The following ZBTB1 variants were observed in gnomAD, a reference collection of about 807,000 sequenced individuals.
The protein encoded by ZBTB1 is zinc finger and BTB domain-containing protein 1.
In ZBTB1, 13 loss-of-function variants were observed where a neutral mutation model predicts 51.6. The observed-to-expected ratio is 0.25, with a 90% CI of 0.16 to 0.40. The LOEUF (loss-of-function observed/expected upper bound fraction) is 0.40. Among genes scored for constraint, ZBTB1 ranks in the 10% least tolerant of loss-of-function variants. ZBTB1 has a pLI of 1.00. For missense variants in ZBTB1, 567 were observed against 856.5 expected, an observed-to-expected ratio of 0.66 and a Z score of 4.22; for synonymous variants, 240 against 282.2, an observed-to-expected ratio of 0.85 and a Z score of 1.50.
chr14:64,529,325 A>G (rs1460119787), downstream of ZBTB1, among the ~76,000 whole-genome samples: 1 of 151,962 alleles, frequency 6.6e-6, no homozygotes, highest in Non-Finnish European at 1.5e-5. Context: ...TTATGTTTTA[A>G]TCTCTCCCGC....
chr14:64,521,382 C>A, intron 1 of ZBTB1, 105 bp from the exon 2 acceptor site: 3 of 730,712 alleles, frequency 4.1e-6, no homozygotes, highest in African/African-American at 3.1e-5. Flanking sequence ...CTCTTAATTT[C>A]TTGATTGTAA....
upstream of ZBTB1, chr14:64,503,782 G>T: frequency 4.9e-6 from 1 of 205,594 alleles, no homozygotes; most frequent in Non-Finnish European, 8.6e-6. Context: ...GCGGCTTCCC[G>T]CGCCGGCAGC....
chr14:64,504,611 G>T, upstream of ZBTB1: 1 of 289,100 alleles, frequency 3.5e-6, no homozygotes. Flanking sequence ...GACCGCGGGT[G>T]CCCCTAGCAG....
intron 1 of ZBTB1, among the ~76,000 whole-genome samples, chr14:64,508,060 TCTC>T (rs2079685891): frequency 6.6e-6 from 1 of 152,108 alleles, no homozygotes; most frequent in African/African-American, 2.4e-5. Context: ...AGCGGCAGGG[TCTC>T]ACTCCTTAGC....
At position 64,517,756 on chromosome 14, in the gene ZBTB1, A is replaced by AATATATATATATATATAT. The variant is rs71444661; in HGVS notation, c.-18-3722_-18-3705dup. On this transcript the variant is annotated intron_variant, in intron 1 of 1. Coordinates refer to ENST00000683701, the MANE Select transcript of ZBTB1 (RefSeq NM_001123329.2). ...CCCACTTCTGTAGTTGCCATTTAGA[A>AATATATATATATATATAT]ATATATATATATATATATATATATA... 2.8e-4 allele frequency among the ~76,000 whole-genome samples: 17 copies of AATATATATATATATATAT among 60,724 alleles called. 1 individual carries two copies. The highest frequency in any genetic ancestry group is 2.3e-3 in the East Asian group (5 of 2,134). 39.8% of individuals were successfully genotyped at this position (60,724 alleles called of 152,430 possible).
In ZBTB1 at chr14:64,524,502, A is replaced by G. The variant is rs891808812; in HGVS notation, c.*856A>G. 2.1e-6 allele frequency: 2 copies of G among 950,094 alleles called. No individual in the cohort carries two copies. The highest frequency in any genetic ancestry group is 2.5e-6 in the Non-Finnish European group (2 of 797,912). 58.9% of individuals were successfully genotyped at this position (950,094 alleles called of 1,614,324 possible). Reference sequence around the variant, plus strand: ...GTTAGCTTATCAATTATTTTTGTTTATAAATAGACTTTAATAGCTCTCTAA... The same window carrying G: ...GTTAGCTTATCAATTATTTTTGTTTGTAAATAGACTTTAATAGCTCTCTAA... On this transcript the variant is annotated 3_prime_UTR_variant, in exon 2 of 2. Coordinates refer to ENST00000683701, the MANE Select transcript of ZBTB1 (RefSeq NM_001123329.2).
At chr14:64,506,954 T>G (rs2079668012) in intron 1 of ZBTB1, among the ~76,000 whole-genome samples, 1 of 152,232 alleles carries the variant, frequency 6.6e-6, no homozygotes, top group Non-Finnish European at 1.5e-5. Context: ...TTCTCCTCTT[T>G]TGCCAGGCTC....
intron 1 of ZBTB1, among the ~76,000 whole-genome samples, chr14:64,517,894 C>CA (rs1373972703): frequency 2.7e-5 from 4 of 149,100 alleles, no homozygotes; most frequent in Non-Finnish European, 1.5e-5. Context: ...AGTACAGTGG[C>CA]ATGATCTCGG....
chr14:64,516,666 G>C lies in ZBTB1; in HGVS notation c.-18-4821G>C, dbSNP rs2079789723. The C allele has an allele frequency of 2.0e-5, 3 of 152,192 alleles. No individual in the cohort carries two copies. The South Asian group carries it at 6.2e-4, about 31-fold the overall frequency. The allele number at this position is 152,192 out of a possible 1,614,324, so 9.4% of individuals were successfully genotyped here. A position where few individuals can be genotyped will look rare whatever the true frequency, so the allele number is the denominator to read the frequency against. On this transcript the variant is annotated intron_variant, in intron 1 of 1. Transcript: ENST00000683701. ...GTGTTGAATGAAATCACTGATCTAG[G>C]AAAAGTAAAAATTCCTCAAATGAAT... is the stretch of plus-strand genomic sequence containing the variant.
At chr14:64,525,086 T>A, downstream of ZBTB1, 1 of 320,622 alleles carries the variant, frequency 3.1e-6, no homozygotes, top group Non-Finnish European at 4.5e-6. Context: ...TCACATCATA[T>A]TTAAAATATG....
exon 3 of ZBTB1, chr14:64,533,201 G>A (rs2079955919): frequency 2.0e-5 from 3 of 152,026 alleles, no homozygotes; most frequent in South Asian, 4.1e-4. Context: ...ATGTGATAGT[G>A]GGTAGAAAGG....
Position 64,523,156 on chromosome 14 carries a change from A to G in ZBTB1, c.1652A>G (p.Glu551Gly). 1.2e-6 allele frequency: 2 copies of G among 1,614,218 alleles called. No homozygotes were observed. The highest frequency in any genetic ancestry group is 1.7e-6 in the Non-Finnish European group (2 of 1,180,022). ...TTTGAAACTGAAAATCTAGTGGTTGAACATATGTCTAGCTGCTTAGATCAA... is the reference window on the plus strand; with the variant it reads ...TTTGAAACTGAAAATCTAGTGGTTGGACATATGTCTAGCTGCTTAGATCAA... The part of the protein sequence containing the change: ...QRFETENLVV[E>G]HMSSCLDQDM... The change falls in exon 2 of 2, where the codon GAA becomes GGA. Residue 551 changes from glutamate (E) to glycine (G), a missense_variant. Glu to Gly is a moderately conservative substitution (Grantham distance 98, BLOSUM62 -2). Transcript: ENST00000683701. This position sits in a 1 kb window ranked among gnomAD's most constrained non-coding sequence, Gnocchi z 4.5.
In ZBTB1 at chr14:64,523,665, A is replaced by G; in HGVS notation, c.*19A>G. On this transcript the variant is annotated 3_prime_UTR_variant, in exon 2 of 2. Transcript: ENST00000683701. The surrounding 1 kb of genome is among the most constrained non-coding windows in gnomAD (Gnocchi z 4.5). ...AACCTGAGTGATTTTCTACTGTACTAATGTTTAGATGATAGCAGATAAAAC... is the reference window on the plus strand; with the variant it reads ...AACCTGAGTGATTTTCTACTGTACTGATGTTTAGATGATAGCAGATAAAAC... 6.5e-7 allele frequency: 1 copy of G among 1,532,020 alleles called. No individual in the cohort carries two copies. The highest frequency in any genetic ancestry group is 8.8e-7 in the Non-Finnish European group (1 of 1,137,006). The allele number at this position is 1,532,020 out of a possible 1,614,324, so 94.9% of individuals were successfully genotyped here. A position where few individuals can be genotyped will look rare whatever the true frequency, so the allele number is the denominator to read the frequency against.
downstream of ZBTB1, among the ~76,000 whole-genome samples, chr14:64,529,669 G>T (rs2079928786): frequency 6.6e-6 from 1 of 152,108 alleles, no homozygotes; most frequent in Admixed American, 6.5e-5. Context: ...TACTTGGGAG[G>T]CTGTGGTCAG....
Position 64,524,230 on chromosome 14 carries a change from T to C in ZBTB1, c.*584T>C. The C allele has an allele frequency of 1.0e-6, 1 of 984,982 alleles. No individual in the cohort carries two copies. The highest frequency in any genetic ancestry group is 1.2e-6 in the Non-Finnish European group (1 of 829,594). 61.0% of individuals were successfully genotyped at this position (984,982 alleles called of 1,614,324 possible). A position where few individuals can be genotyped will look rare whatever the true frequency, so the allele number is the denominator to read the frequency against. ...TGGGCTCAAACTTGGCCTAAAAAGA[T>C]TGATGAACCTGAGGAAATTTTTATA... is the stretch of plus-strand genomic sequence containing the variant. On this transcript the variant is annotated 3_prime_UTR_variant, in exon 2 of 2. Transcript: ENST00000683701.
intron 1 of ZBTB1, among the ~76,000 whole-genome samples, chr14:64,519,777 CAAA>C (rs532158633): frequency 2.5e-5 from 3 of 119,478 alleles, no homozygotes. Flanking sequence ...GACCCTGCCT[CAAA>C]AAAAAAAAAA....
At chr14:64,530,424 C>T (rs966618785) in intron 2 of ZBTB1, among the ~76,000 whole-genome samples, 1 of 152,050 alleles carries the variant, frequency 6.6e-6, no homozygotes, top group Non-Finnish European at 1.5e-5. Flanking sequence ...GCCTGGCTAA[C>T]ATGATGAAAC....
At chr14:64,516,382 C>G (rs908859315) in intron 1 of ZBTB1, among the ~76,000 whole-genome samples, 11 of 152,224 alleles carry the variant, frequency 7.2e-5, no homozygotes, top group Admixed American at 2.0e-4. Flanking sequence ...CAGTTTTACT[C>G]AGAACTTGGA....
exon 3 of ZBTB1, chr14:64,532,432 T>G (rs1446024790): frequency 1.3e-5 from 2 of 152,264 alleles, no homozygotes; most frequent in East Asian, 1.9e-4. Context: ...GAAAAAAAAT[T>G]TAAGACCAAT....
Sources: gnomAD v4.1 joint callset for allele counts (sites outside exome capture counted in the v4.1 genomes callset) on GRCh38, gnomAD v4.1.1 for gene constraint, Gnocchi (gnomAD v3.1) non-coding constraint, MANE v1.5 for transcripts, NCBI Gene and HGNC (gene_info 2026-07-23, HGNC 2026-07-21) for gene names.